ZNF862: variants seen among roughly 807,000 people sequenced by gnomAD.
ZNF862 encodes zinc finger protein 862.
ZNF862 carries 64 observed loss-of-function variants against 91.1 expected under a neutral mutation model. The observed-to-expected ratio is 0.70, with a 90% CI of 0.57 to 0.87. The LOEUF is 0.87. Ranked by LOEUF, ZNF862 falls within the 40% of genes least tolerant of loss-of-function variation. The probability of loss-of-function intolerance (pLI) is 0.00; values close to 1 mark genes in which losing one functional copy is unlikely to be tolerated. For missense variants in ZNF862, 1,459 were observed against 1,528.0 expected (o/e 0.95, Z 0.75); for synonymous variants, 631 against 618.1 (o/e 1.02, Z -0.31).
chr7:149,858,396 G>T (rs1802331086), intron 5 of ZNF862: 1 of 151,954 alleles, frequency 6.6e-6, no homozygotes, highest in South Asian at 2.1e-4. Flanking sequence ...ACACACTTTA[G>T]TAATTTACTT....
rs754882098 is a variant in ZNF862 at position 149,848,438 on chromosome 7, A to T, written c.939+6A>T. 8 of 1,503,594 alleles carry T rather than the reference A, an allele frequency of 5.3e-6. No homozygotes were observed. Among genetic ancestry groups the T allele is most frequent in the South Asian group, 2.7e-5 (2 of 74,642 alleles). 93.1% of individuals were successfully genotyped at this position (1,503,594 alleles called of 1,614,324 possible). A position where few individuals can be genotyped will look rare whatever the true frequency, so the allele number is the denominator to read the frequency against. On this transcript the variant is annotated splice_donor_region_variant and intron_variant, in intron 4 of 7. Transcript: ENST00000223210. ...CAGTAGAATCCTGCATTCAGGTAAT[A>T]CGTTTATAATGATTGCTGTATCTTA...
At chr7:149,859,769 G>A (rs1802393837) in intron 6 of ZNF862, 1 of 485,990 alleles carries the variant, frequency 2.1e-6, no homozygotes, top group Non-Finnish European at 3.7e-6. Context: ...GGAGGCTGTG[G>A]CAGAGCTGGT....
Position 149,861,469 on chromosome 7 carries a change from G to T in ZNF862, c.2309G>T (p.Gly770Val). 2 of 1,613,308 alleles carry T rather than the reference G, an allele frequency of 1.2e-6. No homozygotes were observed. Among genetic ancestry groups the T allele is most frequent in the Non-Finnish European group, 1.7e-6 (2 of 1,179,826 alleles). ...AAGAGGCTGAACGAGCTGCAGGAAG[G>T]TGCGGCGCCTCTGGAGCAGGAGATC... is the stretch of plus-strand genomic sequence containing the variant. Reference protein sequence around the residue: ...SNKRLNELQEGAAPLEQEIIR... With the variant: ...SNKRLNELQEVAAPLEQEIIR... The change falls in exon 7 of 8, where the codon GGT becomes GTT. Residue 770 changes from glycine to valine, a missense_variant. Transcript: ENST00000223210. The surrounding 1 kb of genome is among the most constrained non-coding windows in gnomAD (Gnocchi z 6.7).
intron 5 of ZNF862, among the ~76,000 whole-genome samples, chr7:149,853,676 G>A (rs769351208): frequency 2.6e-5 from 4 of 152,132 alleles, no homozygotes; most frequent in Non-Finnish European, 2.9e-5. Context: ...GGTGGCTCAC[G>A]CCTGTAATCC....
chr7:149,852,252 A>G (rs1287685575), intron 5 of ZNF862: 3 of 151,812 alleles, frequency 2.0e-5, no homozygotes, highest in African/African-American at 7.3e-5. Flanking sequence ...TACCCTCCAT[A>G]ACAAATGCTC....
chr7:149,864,389 C>A lies in ZNF862; in HGVS notation c.*105C>A. The A allele has an allele frequency of 8.0e-7, 1 of 1,247,070 alleles. No individual in the cohort carries two copies. Among genetic ancestry groups the A allele is most frequent in the Non-Finnish European group, 1.1e-6 (1 of 915,636 alleles). 77.3% of individuals were successfully genotyped at this position (1,247,070 alleles called of 1,614,324 possible). ...AGGATCTTCTGCTGGTGGCGATGGT[C>A]TCTAAGCACCAGGAAGTGGGCAGTG... On this transcript the variant is annotated 3_prime_UTR_variant, in exon 8 of 8. Coordinates refer to ENST00000223210, the MANE Select transcript of ZNF862 (RefSeq NM_001099220.3).
rs1404681685 is a variant in ZNF862 at position 149,838,450 on chromosome 7, C to T, written c.-162C>T. 4.7e-6 allele frequency: 2 copies of T among 427,866 alleles called. No homozygotes were observed. Among genetic ancestry groups the T allele is most frequent in the Non-Finnish European group, 7.9e-6 (2 of 253,718 alleles). 26.5% of individuals were successfully genotyped at this position (427,866 alleles called of 1,614,324 possible). On this transcript the variant is annotated 5_prime_UTR_variant, in exon 1 of 8. Transcript: ENST00000223210. The stretch of plus-strand genomic sequence containing the variant: ...GCTTATCCTGGGTCCACCGGCGCTA[C>T]CGCCCCCCGACGTGAGAGAGCGAAG...
Position 149,861,075 on chromosome 7 carries a change from T to C in ZNF862, c.1915T>C (p.Cys639Arg). ...DSSTDASEQA[C>R]VGIYIRYFKQ... ...CTCCACCGACGCCTCCGAGCAGGCC[T>C]GCGTGGGGATTTACATCCGCTACTT... The change falls in exon 7 of 8, where the codon TGC (cysteine) becomes CGC (arginine). Residue 639 changes from cysteine to arginine, a missense_variant. Physicochemically the swap from Cys to Arg is radical, Grantham distance 180. Coordinates refer to ENST00000223210, the MANE Select transcript of ZNF862 (RefSeq NM_001099220.3). The surrounding 1 kb of genome is among the most constrained non-coding windows in gnomAD (Gnocchi z 6.7). The C allele has an allele frequency of 6.2e-7, 1 of 1,612,828 alleles. No homozygotes were observed. Among genetic ancestry groups the C allele is most frequent in the Non-Finnish European group, 8.5e-7 (1 of 1,179,778 alleles).
intron 1 of ZNF862, among the ~76,000 whole-genome samples, chr7:149,839,671 A>T (rs1801633141): frequency 6.6e-6 from 1 of 152,092 alleles, no homozygotes; most frequent in Non-Finnish European, 1.5e-5. Flanking sequence ...TCTGAATTTC[A>T]AAAGAGGTGA....
chr7:149,857,348 T>C (rs1014243846), intron 5 of ZNF862, among the ~76,000 whole-genome samples: 7 of 152,180 alleles, frequency 4.6e-5, no homozygotes, highest in Non-Finnish European at 5.9e-5. Context: ...ACTACTTTCT[T>C]GGACATTTCC....
At chr7:149,847,560 T>G in intron 3 of ZNF862, among the ~76,000 whole-genome samples, 175 bp from the exon 4 acceptor site, 1 of 151,332 alleles carries the variant, frequency 6.6e-6, no homozygotes, top group Non-Finnish European at 1.5e-5. Flanking sequence ...GGGAAGGGCC[T>G]GCAGACTTGG....
rs1038198256 is a variant in ZNF862 at position 149,850,572 on chromosome 7, T to C, written c.1117+234T>C. On this transcript the variant is annotated intron_variant, in intron 5 of 7. Coordinates refer to ENST00000223210, the MANE Select transcript of ZNF862 (RefSeq NM_001099220.3). This position sits in a 1 kb window ranked among gnomAD's most constrained non-coding sequence, Gnocchi z 4.2. ...CCCCCACCAAACATTTTGGAGTACC[T>C]ACTATGTGCCAGATGAACACAGCTG... 5.9e-6 allele frequency: 3 copies of C among 505,356 alleles called. No homozygotes were observed. The highest frequency in any genetic ancestry group is 6.8e-5 in the East Asian group (2 of 29,446). The allele number at this position is 505,356 out of a possible 1,614,324, so 31.3% of individuals were successfully genotyped here.
In ZNF862 at chr7:149,864,234, G is replaced by C; in HGVS notation, c.3460G>C (p.Glu1154Gln). The C allele has an allele frequency of 2.5e-6, 4 of 1,601,818 alleles. No individual in the cohort carries two copies. The highest frequency in any genetic ancestry group is 3.4e-6 in the Non-Finnish European group (4 of 1,174,760). ...GAAGGACTGCATCATGGAGCCTCCC[G>C]AGAGACTCCTGTATCCCCACACCAG... ...VLKDCIMEPP[E>Q]RLLYPHTSQE... Residue 1154 changes from glutamate to glutamine, a missense_variant, in exon 8 of 8, where the codon GAG becomes CAG. Coordinates refer to ENST00000223210, the MANE Select transcript of ZNF862 (RefSeq NM_001099220.3).
intron 4 of ZNF862, among the ~76,000 whole-genome samples, 167 bp from the exon 5 acceptor site, chr7:149,849,994 C>A (rs1395175986): frequency 3.9e-5 from 6 of 152,210 alleles, no homozygotes; most frequent in Admixed American, 3.9e-4. Flanking sequence ...ATTCTGGCCT[C>A]CTGAATTTGA....
In ZNF862 at chr7:149,861,563, C is replaced by G. The variant is rs779072376; in HGVS notation, c.2403C>G (p.Leu801=). The G allele has an allele frequency of 1.3e-6, 2 of 1,596,250 alleles. No individual in the cohort carries two copies. Among genetic ancestry groups the G allele is most frequent in the East Asian group, 4.5e-5 (2 of 44,132 alleles). ...ASRRRTLHAL[L]VSWPALARHL... is the part of the protein sequence containing the mutation. ...GGAGGCGCACGCTGCACGCGCTGCT[C>G]GTGAGCTGGCCCGCCCTGGCCAGGC... Residue 801 remains leucine, a synonymous_variant, in exon 7 of 8, where the codon CTC becomes CTG. Transcript: ENST00000223210. This position sits in a 1 kb window ranked among gnomAD's most constrained non-coding sequence, Gnocchi z 6.7.
chr7:149,852,198 A>C (rs1802086645), intron 5 of ZNF862: 1 of 151,592 alleles, frequency 6.6e-6, no homozygotes, highest in African/African-American at 2.4e-5. Flanking sequence ...AATTGTTATT[A>C]TTATTTTTAC....
At position 149,860,747 on chromosome 7, in the gene ZNF862, C is replaced by T; in HGVS notation, c.1587C>T (p.Val529=). 6.2e-7 allele frequency: 1 copy of T among 1,613,916 alleles called. No homozygotes were observed. The change falls in exon 7 of 8, where the codon GTC becomes GTT. Residue 529 remains valine (V), a synonymous_variant. Transcript: ENST00000223210. ...TCAGCAAAGCGCACAGGCTCTGTGT[C>T]AACACGGTTGAAATCAAGGAAGACA... The part of the protein sequence containing the change: ...HEVSKAHRLC[V]NTVEIKEDTP...
At position 149,841,811 on chromosome 7, in the gene ZNF862, C is replaced by T. The variant is rs939749770; in HGVS notation, c.25-2814C>T. ...TTCTCATTTTTTTCTGAACATGGTT[C>T]TATTATTGCACTTATATCTTAGTTG... On this transcript the variant is annotated intron_variant, in intron 1 of 7. Coordinates refer to ENST00000223210, the MANE Select transcript of ZNF862 (RefSeq NM_001099220.3). 24 of 949,918 alleles carry T rather than the reference C, an allele frequency of 2.5e-5. No homozygotes were observed. In the African/African-American group the frequency reaches 3.9e-4, roughly 15 times the overall value. 58.8% of individuals were successfully genotyped at this position (949,918 alleles called of 1,614,324 possible).
chr7:149,851,205 T>A (rs1310243257), intron 5 of ZNF862, among the ~76,000 whole-genome samples: 1 of 152,154 alleles, frequency 6.6e-6, no homozygotes, highest in Admixed American at 6.5e-5. Flanking sequence ...TAATTTTTGT[T>A]TTTTGAGTAG....
Sources: gnomAD v4.1 joint callset for allele counts (sites outside exome capture counted in the v4.1 genomes callset) on GRCh38, gnomAD v4.1.1 for gene constraint, Gnocchi (gnomAD v3.1) non-coding constraint, MANE v1.5 for transcripts, NCBI Gene and HGNC (gene_info 2026-07-23, HGNC 2026-07-21) for gene names.